DIPK1A: variants seen among roughly 807,000 people sequenced by gnomAD.
DIPK1A encodes divergent protein kinase domain 1A.
In DIPK1A, 27 loss-of-function variants were observed where a neutral mutation model predicts 40.8. The ratio of observed to expected loss-of-function variants is 0.66; its 90% confidence interval spans 0.49 to 0.91. The LOEUF is 0.91. Among genes scored for constraint, DIPK1A ranks in the 40% least tolerant of loss-of-function variants. DIPK1A has a pLI of 0.00. For missense variants in DIPK1A, 412 were observed against 505.7 expected, an observed-to-expected ratio of 0.81 and a Z score of 1.78; for synonymous variants, 166 against 171.3, an observed-to-expected ratio of 0.97 and a Z score of 0.24.
chr1:92,842,489 T>G lies in DIPK1A; in HGVS notation c.*894A>C, dbSNP rs1687411808. 1.0e-6 allele frequency: 1 copy of G among 979,022 alleles called. No individual in the cohort carries two copies. Among genetic ancestry groups the G allele is most frequent in the African/African-American group, 1.7e-5 (1 of 57,230 alleles). The allele number at this position is 979,022 out of a possible 1,614,324, so 60.6% of individuals were successfully genotyped here. ...CAAGTTTACATGGGGAAAAAAACATTAGATAAATAAATACATTTACATGCC... is the reference window on the plus strand; with the variant it reads ...CAAGTTTACATGGGGAAAAAAACATGAGATAAATAAATACATTTACATGCC... On this transcript the variant is annotated 3_prime_UTR_variant, in exon 5 of 5. Transcript: ENST00000370310.
chr1:92,845,472 C>A, intron 4 of DIPK1A: 1 of 359,620 alleles, frequency 2.8e-6, no homozygotes, highest in Non-Finnish European at 5.2e-6. Flanking sequence ...AGTTCTAGAC[C>A]CGCCTGGGCA....
At chr1:92,931,336 GC>G in intron 1 of DIPK1A, 1 of 230,752 alleles carries the variant, frequency 4.3e-6, no homozygotes, top group Non-Finnish European at 9.2e-6. Flanking sequence ...AAGGCCTGGT[GC>G]CCACACCGTA....
chr1:92,924,814 A>G (rs2100860406), intron 1 of DIPK1A, among the ~76,000 whole-genome samples: 1 of 152,362 alleles, frequency 6.6e-6, no homozygotes, highest in East Asian at 1.9e-4. Flanking sequence ...CTGTTTGATC[A>G]TATAGCTTCC....
chr1:92,863,615 G>C (rs1204697714), intron 2 of DIPK1A, among the ~76,000 whole-genome samples: 1 of 146,826 alleles, frequency 6.8e-6, no homozygotes, highest in Non-Finnish European at 1.5e-5. Flanking sequence ...ATAAAATAGA[G>C]ATTTCCTTAG....
chr1:92,916,402 G>C (rs930364270), intron 1 of DIPK1A, among the ~76,000 whole-genome samples: 28 of 151,062 alleles, frequency 1.9e-4, no homozygotes, highest in African/African-American at 6.6e-4. Context: ...CCCAGGTTCA[G>C]GTGGTTCTCC....
At chr1:92,874,430 C>T (rs1648021969) in intron 2 of DIPK1A, among the ~76,000 whole-genome samples, 1 of 152,148 alleles carries the variant, frequency 6.6e-6, no homozygotes, top group Non-Finnish European at 1.5e-5. Context: ...ATGCATAACA[C>T]ATATTAGTAT....
At chr1:92,833,099 T>C (rs914510645) in intron 4 of DIPK1A, 5 of 701,614 alleles carry the variant, frequency 7.1e-6, no homozygotes, top group African/African-American at 7.0e-5. Flanking sequence ...TAACAATAAT[T>C]TTATACCTGT....
intron 1 of DIPK1A, among the ~76,000 whole-genome samples, chr1:92,917,495 T>C (rs1421089619): frequency 1.3e-5 from 2 of 152,258 alleles, no homozygotes; most frequent in South Asian, 2.1e-4. Context: ...GAACCATCTT[T>C]ACTTTTCAGT....
intron 1 of DIPK1A, among the ~76,000 whole-genome samples, chr1:92,959,612 C>T (rs12092304): frequency 0.45 from 68,093 of 150,694 alleles, 15,738 homozygotes; most frequent in East Asian, 0.72. Flanking sequence ...CCACCACGCC[C>T]GGCTAATATT....
intron 3 of DIPK1A, among the ~76,000 whole-genome samples, chr1:92,848,691 ACTAT>A (rs1159806695): frequency 6.6e-6 from 1 of 152,172 alleles, no homozygotes; most frequent in Non-Finnish European, 1.5e-5. Flanking sequence ...TCAGTTCATT[ACTAT>A]CTGTCTCATC....
Position 92,843,341 on chromosome 1 carries a change from A to G in DIPK1A, c.*42T>C, listed in dbSNP as rs1465282875. The G allele has an allele frequency of 6.8e-7, 1 of 1,464,080 alleles. No homozygotes were observed. Among genetic ancestry groups the G allele is most frequent in the South Asian group, 1.5e-5 (1 of 67,760 alleles). The allele number at this position is 1,464,080 out of a possible 1,614,324, so 90.7% of individuals were successfully genotyped here. A position where few individuals can be genotyped will look rare whatever the true frequency, so the allele number is the denominator to read the frequency against. On this transcript the variant is annotated 3_prime_UTR_variant, in exon 5 of 5. Coordinates refer to ENST00000370310, the MANE Select transcript of DIPK1A (RefSeq NM_001006605.5). ...TTTTAATGCTCAAAATTGTTCTTTAAAAGTGGCAGGTTTCTTAAAATGGTA... is the reference window on the plus strand; with the variant it reads ...TTTTAATGCTCAAAATTGTTCTTTAGAAGTGGCAGGTTTCTTAAAATGGTA...
chr1:92,892,637 C>T (rs935898359), intron 1 of DIPK1A, among the ~76,000 whole-genome samples: 1 of 152,026 alleles, frequency 6.6e-6, no homozygotes, highest in Non-Finnish European at 1.5e-5. Context: ...AGCAATGGAA[C>T]AAAGCTGGAT....
intron 2 of DIPK1A, among the ~76,000 whole-genome samples, chr1:92,868,211 G>A (rs1308113725): frequency 6.6e-6 from 1 of 152,202 alleles, no homozygotes; most frequent in Admixed American, 6.5e-5. Context: ...GAAAAAGTGA[G>A]GCTGGGGCTT....
intron 2 of DIPK1A, among the ~76,000 whole-genome samples, chr1:92,855,187 G>A (rs1687942938): frequency 6.6e-6 from 1 of 152,104 alleles, no homozygotes; most frequent in Non-Finnish European, 1.5e-5. Flanking sequence ...GGTTAAAGTA[G>A]AAATTACCAT....
chr1:92,835,057 C>A, intron 4 of DIPK1A: 1 of 1,140,226 alleles, frequency 8.8e-7, no homozygotes, highest in Non-Finnish European at 1.3e-6. Flanking sequence ...GTTAATGGAT[C>A]TATCTAGGTC....
intron 1 of DIPK1A, chr1:92,877,174 T>A: frequency 1.0e-6 from 1 of 983,442 alleles, no homozygotes; most frequent in Non-Finnish European, 1.2e-6. Context: ...TGCTCTTGTA[T>A]CTAATTGCAA....
intron 4 of DIPK1A, chr1:92,833,265 C>T (rs1182033643): frequency 8.7e-6 from 7 of 802,884 alleles, no homozygotes; most frequent in Non-Finnish European, 1.3e-5. Context: ...ACCTGGGATT[C>T]TACAAGTGAC....
At chr1:92,957,782 G>A (rs1055314004) in intron 1 of DIPK1A, among the ~76,000 whole-genome samples, 2 of 152,136 alleles carry the variant, frequency 1.3e-5, no homozygotes, top group African/African-American at 2.4e-5. Context: ...AAAGCATAAC[G>A]TTCAGTAGGT....
intron 1 of DIPK1A, among the ~76,000 whole-genome samples, chr1:92,904,046 C>T (rs1467520717): frequency 1.3e-5 from 2 of 152,192 alleles, no homozygotes. Context: ...TGGAATTTCT[C>T]AGACAGGTGT....
Sources: gnomAD v4.1 joint callset for allele counts (sites outside exome capture counted in the v4.1 genomes callset) on GRCh38, gnomAD v4.1.1 for gene constraint, MANE v1.5 for transcripts, NCBI Gene and HGNC (gene_info 2026-07-23, HGNC 2026-07-21) for gene names.